The following GNG7 variants were observed in gnomAD, a reference collection of about 807,000 sequenced individuals.
The protein encoded by GNG7 is guanine nucleotide-binding protein G(I)/G(S)/G(O) subunit gamma-7.
A neutral mutation model predicts 4.0 loss-of-function variants in GNG7; 1 was observed. The observed-to-expected ratio is 0.25, with a 90% CI of 0.09 to 1.18. The LOEUF is 1.18. Among genes scored for constraint, GNG7 ranks in the 50% most tolerant of loss-of-function variants. GNG7 has a pLI of 0.50. For synonymous variants in GNG7, 34 were observed against 36.9 expected (o/e 0.92, Z 0.29); for missense variants, 86 against 91.9 (o/e 0.94, Z 0.26).
chr19:2,553,463 GTTATATA>G (rs1249926611), intron 3 of GNG7, among the ~76,000 whole-genome samples: 6 of 145,318 alleles, frequency 4.1e-5, no homozygotes, highest in East Asian at 2.0e-4. Flanking sequence ...AATATATTAT[GTTATATA>G]TTATATACTA....
intron 1 of GNG7, among the ~76,000 whole-genome samples, chr19:2,652,057 G>A (rs1394734885): frequency 6.6e-6 from 1 of 151,772 alleles, no homozygotes; most frequent in Non-Finnish European, 1.5e-5. Flanking sequence ...CGCCTGTAAT[G>A]CCAGCTACTC....
At chr19:2,693,145 T>C (rs1913172276) in intron 1 of GNG7, among the ~76,000 whole-genome samples, 1 of 151,398 alleles carries the variant, frequency 6.6e-6, no homozygotes, top group African/African-American at 2.4e-5. Context: ...TAGCCGGATA[T>C]GGTGACATGT....
intron 4 of GNG7, among the ~76,000 whole-genome samples, chr19:2,518,760 G>A (rs1210247064): frequency 6.6e-6 from 1 of 152,128 alleles, no homozygotes; most frequent in Non-Finnish European, 1.5e-5. Flanking sequence ...ACTAGGGCGG[G>A]CCATGGTGCC....
intron 2 of GNG7, among the ~76,000 whole-genome samples, chr19:2,562,537 T>C (rs931978044): frequency 1.3e-5 from 2 of 152,128 alleles, no homozygotes; most frequent in Admixed American, 6.5e-5. Flanking sequence ...ACAGGGTTTT[T>C]CCCCCCGGGC....
At chr19:2,568,147 GCACA>G (rs1185070621) in intron 2 of GNG7, among the ~76,000 whole-genome samples, 1 of 118,936 alleles carries the variant, frequency 8.4e-6, no homozygotes, top group African/African-American at 3.2e-5. Flanking sequence ...ATATACACAT[GCACA>G]CACATACACA....
Position 2,557,995 on chromosome 19 carries a change from C to T in GNG7, c.-77-2807G>A, listed in dbSNP as rs149448043. 1.4e-3 allele frequency among the ~76,000 whole-genome samples: 217 copies of T among 152,120 alleles called. No homozygotes were observed. The highest frequency in any genetic ancestry group is 5.0e-3 in the African/African-American group (207 of 41,506). On this transcript the variant is annotated intron_variant, in intron 2 of 4. Transcript: ENST00000382159. The surrounding 1 kb of genome is among the most constrained non-coding windows in gnomAD (Gnocchi z 5.1). ...TAGCTGGGACTACAGGCACGGGCCA[C>T]CAGGCCTGGGTAATTTTTTGTGTTT...
At chr19:2,527,600 G>T (rs1264616480) in intron 3 of GNG7, among the ~76,000 whole-genome samples, 1 of 152,144 alleles carries the variant, frequency 6.6e-6, no homozygotes, top group East Asian at 1.9e-4. Flanking sequence ...TGCAAAATGG[G>T]CTGAACTCCG....
intron 1 of GNG7, among the ~76,000 whole-genome samples, chr19:2,674,725 T>G (rs1983551382): frequency 6.6e-6 from 1 of 152,210 alleles, no homozygotes; most frequent in Non-Finnish European, 1.5e-5. Context: ...CGTGAGCTAC[T>G]GCGTCTGGCC....
chr19:2,596,421 C>T (rs1395456037), intron 2 of GNG7, among the ~76,000 whole-genome samples: 1 of 151,908 alleles, frequency 6.6e-6, no homozygotes, highest in Admixed American at 6.6e-5. Flanking sequence ...AATCCCAGCA[C>T]TTTGAAAGGC....
intron 2 of GNG7, chr19:2,610,640 C>G (rs894101837): frequency 6.6e-6 from 1 of 151,724 alleles, no homozygotes; most frequent in Non-Finnish European, 1.5e-5. Context: ...TCACGCCCGG[C>G]CACTAATTTT....
At chr19:2,582,656 ATTTTTTTTTTTTTTTTT>A (rs35625825) in intron 2 of GNG7, among the ~76,000 whole-genome samples, 1 of 86,146 alleles carries the variant, frequency 1.2e-5, no homozygotes, top group Non-Finnish European at 2.2e-5. Flanking sequence ...CTAATTGTTA[ATTTTTTTTTTTTTTTTT>A]TTTTTTTTTT....
chr19:2,581,127 C>T (rs1980490133), intron 2 of GNG7, among the ~76,000 whole-genome samples: 1 of 152,064 alleles, frequency 6.6e-6, no homozygotes, highest in Admixed American at 6.6e-5. Context: ...CATATCAGGC[C>T]TCAAGAAAGA....
chr19:2,599,920 G>C (rs539114048), intron 2 of GNG7, among the ~76,000 whole-genome samples: 4 of 149,578 alleles, frequency 2.7e-5, no homozygotes, highest in African/African-American at 9.8e-5. Context: ...CTGGGCAACA[G>C]AGCAAGACTC....
intron 2 of GNG7, among the ~76,000 whole-genome samples, chr19:2,592,781 G>C (rs991487068): frequency 1.7e-5 from 2 of 119,334 alleles, no homozygotes; most frequent in African/African-American, 6.1e-5. Context: ...GAAGGAAGGA[G>C]AGGGAGGGAG....
At chr19:2,587,813 C>G (rs1324622083) in intron 2 of GNG7, among the ~76,000 whole-genome samples, 1 of 150,614 alleles carries the variant, frequency 6.6e-6, no homozygotes, top group Non-Finnish European at 1.5e-5. Flanking sequence ...TGCACTCCAG[C>G]CTGGGCGACA....
At chr19:2,651,294 CTCCCTACCT>C (rs1452389093) in intron 1 of GNG7, among the ~76,000 whole-genome samples, 7 of 94,300 alleles carry the variant, frequency 7.4e-5, no homozygotes, top group African/African-American at 2.4e-4. Flanking sequence ...CCATCCCTCC[CTCCCTACCT>C]TCCCTCCATC....
In GNG7 at chr19:2,513,503, C is replaced by T. The variant is rs1232348417; in HGVS notation, c.*1519G>A. 8 of 985,448 alleles carry T rather than the reference C, an allele frequency of 8.1e-6. No individual in the cohort carries two copies. The highest frequency in any genetic ancestry group is 9.6e-6 in the Non-Finnish European group (8 of 830,040). 61.0% of individuals were successfully genotyped at this position (985,448 alleles called of 1,614,324 possible). A position where few individuals can be genotyped will look rare whatever the true frequency, so the allele number is the denominator to read the frequency against. On this transcript the variant is annotated 3_prime_UTR_variant, in exon 5 of 5. Coordinates refer to ENST00000382159, the MANE Select transcript of GNG7 (RefSeq NM_052847.3). ...GTGCCGCAGAGGAGGACGCAGTCAT[C>T]TTTCAGAAGCCTCCCCCCGACCCCA... is the stretch of plus-strand genomic sequence containing the variant.
intron 3 of GNG7, among the ~76,000 whole-genome samples, chr19:2,535,070 A>C (rs1201918142): frequency 1.3e-5 from 2 of 152,184 alleles, no homozygotes; most frequent in African/African-American, 4.8e-5. Flanking sequence ...AACAGTTACA[A>C]CAATCTTGGA....
At chr19:2,561,517 G>T (rs572736215) in intron 2 of GNG7, among the ~76,000 whole-genome samples, 1 of 152,070 alleles carries the variant, frequency 6.6e-6, no homozygotes, top group African/African-American at 2.4e-5. Flanking sequence ...CTGGGTCTTT[G>T]ACCCTCCCAG....
Sources: gnomAD v4.1 joint callset for allele counts (sites outside exome capture counted in the v4.1 genomes callset) on GRCh38, gnomAD v4.1.1 for gene constraint, Gnocchi (gnomAD v3.1) non-coding constraint, MANE v1.5 for transcripts, NCBI Gene and HGNC (gene_info 2026-07-23, HGNC 2026-07-21) for gene names.